Variants in PTPRN observed in about 807,000 individuals in gnomAD.
PTPRN encodes protein tyrosine phosphatase receptor type N.
A neutral mutation model predicts 108.5 loss-of-function variants in PTPRN; 70 were observed. That is an observed-to-expected ratio of 0.65 (90% CI 0.53 to 0.79). The LOEUF is 0.79. Among genes scored for constraint, PTPRN ranks in the 30% least tolerant of loss-of-function variants. PTPRN has a pLI of 0.00. For synonymous variants in PTPRN, 496 were observed against 524.6 expected (o/e 0.95, Z 0.75); for missense variants, 1,136 against 1,295.5 (o/e 0.88, Z 1.89).
chr2:219,295,198 G>A (rs1377814305), intron 18 of PTPRN, 57 bp from the exon 19 acceptor site: 1 of 1,572,474 alleles, frequency 6.4e-7, no homozygotes, highest in Non-Finnish European at 8.6e-7. Context: ...CCCGCGTTGC[G>A]CGCGCTCTCC....
At chr2:219,309,105 C>A in intron 1 of PTPRN, 113 bp downstream of exon 1, 1 of 1,495,894 alleles carries the variant, frequency 6.7e-7, no homozygotes, top group Non-Finnish European at 9.0e-7. Flanking sequence ...CTCCCCCAAC[C>A]CATATTCTCC....
intron 11 of PTPRN, 83 bp from the exon 12 acceptor site, chr2:219,299,194 G>C: frequency 6.2e-7 from 1 of 1,601,078 alleles, no homozygotes; most frequent in Non-Finnish European, 8.6e-7. Flanking sequence ...AGCAGGCAGG[G>C]CCCATGTGGG....
rs1952361747 is a variant in PTPRN at position 219,302,063 on chromosome 2, T to C, written c.994+74A>G. On this transcript the variant is annotated intron_variant, in intron 6 of 22. Transcript: ENST00000295718. ...AGGACAAGTTAACAAACGCATAGATTGTCAGGGAAGGGCCCCACCATGGTT... is the reference window on the plus strand; with the variant it reads ...AGGACAAGTTAACAAACGCATAGATCGTCAGGGAAGGGCCCCACCATGGTT... 2.3e-6 allele frequency: 3 copies of C among 1,317,958 alleles called. No individual in the cohort carries two copies. In the South Asian group the frequency reaches 4.2e-5, roughly 19 times the overall value. The allele number at this position is 1,317,958 out of a possible 1,614,324, so 81.6% of individuals were successfully genotyped here. A position where few individuals can be genotyped will look rare whatever the true frequency, so the allele number is the denominator to read the frequency against.
intron 3 of PTPRN, among the ~76,000 whole-genome samples, chr2:219,304,647 T>C (rs1393392173): frequency 6.6e-6 from 1 of 152,202 alleles, no homozygotes; most frequent in Non-Finnish European, 1.5e-5. Flanking sequence ...CCTGCCTCCT[T>C]GCTTATTCAC....
Position 219,290,359 on chromosome 2 carries a change from T to C in PTPRN, c.2869-62A>G. On this transcript the variant is annotated intron_variant, in intron 22 of 22. Coordinates refer to ENST00000295718, the MANE Select transcript of PTPRN (RefSeq NM_002846.4). This position sits in a 1 kb window ranked among gnomAD's most constrained non-coding sequence, Gnocchi z 4.2. ...GCTGACCTGTGCTCTGCCCTCAAGA[T>C]GGGGGGCTTTTGGTGGGGGGAGGGC... is the stretch of plus-strand genomic sequence containing the variant. The C allele has an allele frequency of 9.7e-7, 1 of 1,030,940 alleles. No individual in the cohort carries two copies. Among genetic ancestry groups the C allele is most frequent in the African/African-American group, 1.7e-5 (1 of 59,586 alleles). The allele number at this position is 1,030,940 out of a possible 1,614,324, so 63.9% of individuals were successfully genotyped here. A position where few individuals can be genotyped will look rare whatever the true frequency, so the allele number is the denominator to read the frequency against.
intron 10 of PTPRN, 113 bp from the exon 11 acceptor site, chr2:219,299,497 A>G (rs1393454705): frequency 3.8e-6 from 5 of 1,319,416 alleles, no homozygotes; most frequent in Non-Finnish European, 5.4e-6. Flanking sequence ...CAGATCGGGG[A>G]TGCCCTACAG....
chr2:219,298,950 C>G, intron 12 of PTPRN, 97 bp downstream of exon 12: 1 of 1,426,660 alleles, frequency 7.0e-7, no homozygotes, highest in East Asian at 2.3e-5. Flanking sequence ...CCTACGGACA[C>G]GTTTCGGCTC....
rs745350056 is a variant in PTPRN, at chr2:219,299,344, C to T, written c.1564G>A (p.Glu522Lys). 2.5e-6 allele frequency: 4 copies of T among 1,614,086 alleles called. No homozygotes were observed. The African/African-American group carries it at 5.3e-5, about 22-fold the overall frequency. ...ACATCAGCCAAAGACAGGTTCTGCT[C>T]ATTGTGCCGGATGCGGAAGGTGAGG... ...PALTFRIRHN[E>K]QNLSLADVTQ... The change falls in exon 11 of 23, where the codon GAG (glutamate) becomes AAG (lysine). Residue 522 changes from glutamate to lysine, a missense_variant. Glu to Lys is a moderately conservative substitution (Grantham distance 56). Coordinates refer to ENST00000295718, the MANE Select transcript of PTPRN (RefSeq NM_002846.4).
intron 18 of PTPRN, chr2:219,295,355 T>C (rs11887718): frequency 0.2 from 107,818 of 538,464 alleles, 12,375 homozygotes; most frequent in African/African-American, 0.38. Context: ...ACACAGCTAT[T>C]GTGAGCCTCT....
chr2:219,290,687 C>G lies in PTPRN; in HGVS notation c.2795-76G>C, dbSNP rs1244552080. Reference sequence around the variant, plus strand: ...CAGGACCCAGAAAACCTGAGGCCTCCTGGAGGCAAAGAGCCTTGGAGGGCT... The same window carrying G: ...CAGGACCCAGAAAACCTGAGGCCTCGTGGAGGCAAAGAGCCTTGGAGGGCT... On this transcript the variant is annotated intron_variant, in intron 21 of 22. Coordinates refer to ENST00000295718, the MANE Select transcript of PTPRN (RefSeq NM_002846.4). The surrounding 1 kb of genome is among the most constrained non-coding windows in gnomAD (Gnocchi z 4.2). 16 of 1,492,664 alleles carry G rather than the reference C, an allele frequency of 1.1e-5. No individual in the cohort carries two copies. Among genetic ancestry groups the G allele is most frequent in the Non-Finnish European group, 1.3e-5 (14 of 1,089,164 alleles). 92.5% of individuals were successfully genotyped at this position (1,492,664 alleles called of 1,614,324 possible).
chr2:219,299,548 C>CTGGGTG, intron 10 of PTPRN, 152 bp downstream of exon 10: 1 of 1,137,870 alleles, frequency 8.8e-7, no homozygotes, highest in East Asian at 2.4e-5. Flanking sequence ...GGGCCAGCAA[C>CTGGGTG]GGGCTGGGTG....
chr2:219,307,379 ATCT>A, intron 3 of PTPRN, 62 bp downstream of exon 3: 4 of 1,355,912 alleles, frequency 3.0e-6, no homozygotes, highest in Admixed American at 1.9e-5. Flanking sequence ...TTGAAGAGAA[ATCT>A]TCTTCCCCAC....
chr2:219,307,950 C>G, intron 1 of PTPRN, 108 bp from the exon 2 acceptor site: 4 of 1,082,698 alleles, frequency 3.7e-6, no homozygotes, highest in Non-Finnish European at 1.4e-6. Flanking sequence ...TTCTTTCATT[C>G]TAAAGAAGGC....
Position 219,290,493 on chromosome 2 carries a change from T to C in PTPRN, c.2868+45A>G. 1 of 1,522,768 alleles carries C rather than the reference T, an allele frequency of 6.6e-7. No homozygotes were observed. The highest frequency in any genetic ancestry group is 2.5e-5 in the East Asian group (1 of 40,616). 94.3% of individuals were successfully genotyped at this position (1,522,768 alleles called of 1,614,324 possible). The stretch of plus-strand genomic sequence containing the variant: ...CCTGGGGTGGCCAAGAAGTGGGTGC[T>C]AGGGAAGGGTGGGAGCTGGGGTTGG... On this transcript the variant is annotated intron_variant, in intron 22 of 22. Coordinates refer to ENST00000295718, the MANE Select transcript of PTPRN (RefSeq NM_002846.4). The surrounding 1 kb of genome is among the most constrained non-coding windows in gnomAD (Gnocchi z 4.2).
Position 219,300,188 on chromosome 2 carries a change from G to A in PTPRN, c.1233C>T (p.His411=). The change falls in exon 9 of 23, where the codon CAC becomes CAT. Residue 411 remains histidine (H), a synonymous_variant. Transcript: ENST00000295718. ...CACTGGAGGTAGGGCTGGCAGTGGG[G>A]TGTCCAGGCATGGGGGATGTGCGGG... ...LPARTSPMPG[H]PTASPTSSEV... The A allele has an allele frequency of 6.2e-7, 1 of 1,612,238 alleles. No homozygotes were observed. The highest frequency in any genetic ancestry group is 2.2e-5 in the East Asian group (1 of 44,818).
At chr2:219,306,119 C>A (rs940472729) in intron 3 of PTPRN, among the ~76,000 whole-genome samples, 1 of 152,166 alleles carries the variant, frequency 6.6e-6, no homozygotes, top group African/African-American at 2.4e-5. Context: ...TCACTGCACT[C>A]CAGCCTGGGT....
chr2:219,290,879 C>T lies in PTPRN; in HGVS notation c.2741G>A (p.Gly914Glu). The T allele has an allele frequency of 6.2e-7, 1 of 1,613,992 alleles. No individual in the cohort carries two copies. Among genetic ancestry groups the T allele is most frequent in the African/African-American group, 1.3e-5 (1 of 75,006 alleles). The change falls in exon 21 of 23, where the codon GGG becomes GAG. Residue 914 changes from glycine (G) to glutamate (E), a missense_variant. Physicochemically the swap from Gly to Glu is moderately conservative, Grantham distance 98 (BLOSUM62 -2). Transcript: ENST00000295718. The surrounding 1 kb of genome is among the most constrained non-coding windows in gnomAD (Gnocchi z 4.2). ...PIIVHCSDGA[G>E]RTGTYILIDM... ...GATGAGGATGTAGGTGCCGGTCCTC[C>T]CCGCACCATCACTGAAACAGGAGTT...
At chr2:219,301,791 G>C in intron 6 of PTPRN, 72 bp from the exon 7 acceptor site, 2 of 1,511,978 alleles carry the variant, frequency 1.3e-6, no homozygotes, top group South Asian at 1.2e-5. Context: ...GAGTGAGTGA[G>C]GGTGGGAAGG....
rs1423308852 is a variant in PTPRN, at chr2:219,297,607, G to A, written c.1888-174C>T. On this transcript the variant is annotated intron_variant, in intron 13 of 22. Coordinates refer to ENST00000295718, the MANE Select transcript of PTPRN (RefSeq NM_002846.4). This position sits in a 1 kb window ranked among gnomAD's most constrained non-coding sequence, Gnocchi z 6.0. ...TCCTTTCCAGGGCTGTTTTGCTTGG[G>A]TGGTGCTTATGTCAACCTCAGACAT... Among the ~76,000 whole-genome samples, 1 of 152,134 alleles carries A rather than the reference G, an allele frequency of 6.6e-6. No homozygotes were observed. Among genetic ancestry groups the A allele is most frequent in the African/African-American group, 2.4e-5 (1 of 41,420 alleles).
Sources: allele counts gnomAD v4.1 joint callset (sites outside exome capture counted in the v4.1 genomes callset), GRCh38; gene constraint gnomAD v4.1.1; non-coding constraint Gnocchi (gnomAD v3.1); transcripts MANE v1.5; gene names NCBI Gene and HGNC (gene_info 2026-07-23, HGNC 2026-07-21).